Variants in AASDH observed in about 807,000 individuals in gnomAD.
The protein encoded by AASDH is beta-alanine-activating enzyme.
In AASDH, 81 loss-of-function variants were observed where a neutral mutation model predicts 102.3. The ratio of observed to expected loss-of-function variants is 0.79; its 90% confidence interval spans 0.66 to 0.95. The LOEUF (loss-of-function observed/expected upper bound fraction) is 0.95. Among genes scored for constraint, AASDH ranks in the 40% least tolerant of loss-of-function variants. The probability of loss-of-function intolerance (pLI) is 0.00; values close to 1 mark genes in which losing one functional copy is unlikely to be tolerated. For missense variants in AASDH, 1,203 were observed against 1,266.2 expected, an observed-to-expected ratio of 0.95 and a Z score of 0.76; for synonymous variants, 398 against 454.0, an observed-to-expected ratio of 0.88 and a Z score of 1.57.
rs535100174 is a variant in AASDH, at chr4:56,352,950, A to C, written c.1576+454T>G. 3.9e-5 allele frequency among the ~76,000 whole-genome samples: 6 copies of C among 152,234 alleles called. No homozygotes were observed. The South Asian group carries it at 1.2e-3, about 32-fold the overall frequency. On this transcript the variant is annotated intron_variant, in intron 9 of 14. Coordinates refer to ENST00000205214, the MANE Select transcript of AASDH (RefSeq NM_181806.4). ...TTGGTTCTGTTTCTGGAGAACCATG[A>C]CTACTATACTAATATAACCACTAAC...
At chr4:56,344,733 T>C (rs1748119314) in intron 12 of AASDH, among the ~76,000 whole-genome samples, 1 of 152,102 alleles carries the variant, frequency 6.6e-6, no homozygotes, top group African/African-American at 2.4e-5. Flanking sequence ...CACTTATTTG[T>C]GGTAAATTTG....
chr4:56,377,077 A>AAT (rs200243800), intron 4 of AASDH, among the ~76,000 whole-genome samples: 12,985 of 111,980 alleles, frequency 0.12, 716 homozygotes, highest in East Asian at 0.28. Context: ...AAAAAAAAAA[A>AAT]AAAATAAATA....
chr4:56,340,515 T>C (rs1747540893), intron 14 of AASDH, among the ~76,000 whole-genome samples: 1 of 152,064 alleles, frequency 6.6e-6, no homozygotes, highest in African/African-American at 2.4e-5. Context: ...TCACTGCATA[T>C]AAAAATAAAC....
chr4:56,348,453 G>C (rs987457817), intron 11 of AASDH, among the ~76,000 whole-genome samples: 6 of 152,126 alleles, frequency 3.9e-5, no homozygotes, highest in African/African-American at 1.2e-4. Context: ...CAGAGTTTCT[G>C]CATGTTACCC....
intron 5 of AASDH, among the ~76,000 whole-genome samples, chr4:56,369,964 CAG>C (rs997469375): frequency 2.1e-5 from 3 of 142,284 alleles, no homozygotes; most frequent in African/African-American, 7.9e-5. Flanking sequence ...AAAAAAAAAA[CAG>C]ACAATGGAAA....
chr4:56,342,839 T>C lies in AASDH; in HGVS notation c.2903A>G (p.Glu968Gly). The C allele has an allele frequency of 7.2e-7, 1 of 1,397,116 alleles. No homozygotes were observed. The highest frequency in any genetic ancestry group is 2.7e-5 in the East Asian group (1 of 36,872). The allele number at this position is 1,397,116 out of a possible 1,614,324, so 86.5% of individuals were successfully genotyped here. A position where few individuals can be genotyped will look rare whatever the true frequency, so the allele number is the denominator to read the frequency against. Residue 968 changes from glutamate (E) to glycine (G), a missense_variant, in exon 14 of 15, where the codon GAA (glutamate) becomes GGA (glycine). Glu to Gly is a moderately conservative substitution (Grantham distance 98). Coordinates refer to ENST00000205214, the MANE Select transcript of AASDH (RefSeq NM_181806.4). ...AAAAATTTCTAGTTCTATTACCTGT[T>C]CTCCAAAGTGAGTAAAGCAGAGTAA... ...GNLLCFTHFG[E>G]QVWQFSTSGP...
In AASDH at chr4:56,342,063, G is replaced by C. The variant is rs182071295; in HGVS notation, c.2907+772C>G. ...TGAGGCGGAGGTTGCAGTGAGCCAAGATCACACCAATGTACTCCAGCCTGG... is the reference window on the plus strand; with the variant it reads ...TGAGGCGGAGGTTGCAGTGAGCCAACATCACACCAATGTACTCCAGCCTGG... On this transcript the variant is annotated intron_variant, in intron 14 of 14. Transcript: ENST00000205214. Among the ~76,000 whole-genome samples, 33 of 132,560 alleles carry C rather than the reference G, an allele frequency of 2.5e-4. No individual in the cohort carries two copies. In the East Asian group the frequency reaches 5.0e-3, roughly 20 times the overall value. 87.0% of individuals were successfully genotyped at this position (132,560 alleles called of 152,430 possible).
chr4:56,363,165 G>A (rs965022811), intron 5 of AASDH, among the ~76,000 whole-genome samples: 3 of 152,232 alleles, frequency 2.0e-5, no homozygotes, highest in Non-Finnish European at 4.4e-5. Context: ...AGGCGGCAGC[G>A]AGGCTGGGGG....
At chr4:56,373,541 A>T (rs1277694404) in intron 4 of AASDH, among the ~76,000 whole-genome samples, 1 of 152,204 alleles carries the variant, frequency 6.6e-6, no homozygotes, top group Admixed American at 6.5e-5. Context: ...GGAAAAGGTC[A>T]GAAAGAGACT....
rs778425774 is a variant in AASDH at position 56,351,300 on chromosome 4, C to T, written c.1692+42G>A. 47 of 1,279,594 alleles carry T rather than the reference C, an allele frequency of 3.7e-5. No homozygotes were observed. The Middle Eastern group carries it at 2.0e-3, about 54-fold the overall frequency. 79.3% of individuals were successfully genotyped at this position (1,279,594 alleles called of 1,614,324 possible). On this transcript the variant is annotated intron_variant, in intron 10 of 14. Transcript: ENST00000205214. ...AATAGCAGTCCCTAAAGATATAAAA[C>T]GACCTCTTTATAATAATAATTTTAT... is the stretch of plus-strand genomic sequence containing the variant.
intron 5 of AASDH, chr4:56,356,889 C>T (rs964175171): frequency 1.0e-5 from 10 of 955,676 alleles, no homozygotes; most frequent in South Asian, 2.6e-5. Context: ...TCGCCAAGCT[C>T]GAAAAGGCAA....
At chr4:56,385,055 C>T (rs928054187) in intron 1 of AASDH, among the ~76,000 whole-genome samples, 19 of 152,170 alleles carry the variant, frequency 1.2e-4, no homozygotes, top group African/African-American at 4.3e-4. Context: ...GCCTGGGTGA[C>T]AGGGCAAGAC....
Position 56,349,264 on chromosome 4 carries a change from C to A in AASDH, c.2487G>T (p.Val829=). The part of the protein sequence containing the change: ...CVSKCGNFIV[V]GCYNGLVYVL... ...CAAACCTCAAATTCAAAAACTTACC[C>A]ACCACAATAAAGTTTCCACACTTAG... The change falls in exon 11 of 15, where the codon GTG becomes GTT. Residue 829 remains valine (V), a splice_region_variant and synonymous_variant. Coordinates refer to ENST00000205214, the MANE Select transcript of AASDH (RefSeq NM_181806.4). 1 of 1,613,474 alleles carries A rather than the reference C, an allele frequency of 6.2e-7. No individual in the cohort carries two copies. The highest frequency in any genetic ancestry group is 1.3e-5 in the African/African-American group (1 of 74,996).
At chr4:56,373,351 CA>C (rs1158212559) in intron 4 of AASDH, among the ~76,000 whole-genome samples, 4 of 152,058 alleles carry the variant, frequency 2.6e-5, no homozygotes, top group Admixed American at 2.6e-4. Flanking sequence ...CCATGTTGAT[CA>C]GGCCGGTCTC....
At chr4:56,373,615 G>A (rs889582812) in intron 4 of AASDH, among the ~76,000 whole-genome samples, 9 of 152,128 alleles carry the variant, frequency 5.9e-5, no homozygotes, top group Non-Finnish European at 4.4e-5. Flanking sequence ...AGTGCCATAC[G>A]TTGGGGTATC....
chr4:56,369,261 C>G (rs1026147337), intron 5 of AASDH, among the ~76,000 whole-genome samples: 1 of 152,206 alleles, frequency 6.6e-6, no homozygotes, highest in African/African-American at 2.4e-5. Context: ...AGGTAGAATT[C>G]ATTGACCTGA....
intron 5 of AASDH, among the ~76,000 whole-genome samples, chr4:56,369,419 A>T (rs1751432345): frequency 6.6e-6 from 1 of 152,194 alleles, no homozygotes; most frequent in Admixed American, 6.5e-5. Flanking sequence ...CACAGAATTC[A>T]TGGAATGACT....
chr4:56,376,484 T>A (rs976031937), intron 4 of AASDH, among the ~76,000 whole-genome samples: 1 of 152,232 alleles, frequency 6.6e-6, no homozygotes, highest in Admixed American at 6.5e-5. Flanking sequence ...TCTCCAATCT[T>A]GGGGATTAAG....
chr4:56,348,413 C>G (rs934034034), intron 11 of AASDH, among the ~76,000 whole-genome samples: 3 of 152,026 alleles, frequency 2.0e-5, no homozygotes, highest in African/African-American at 7.2e-5. Context: ...TACTACCATG[C>G]CTAGCTAATG....
Sources: allele counts gnomAD v4.1 joint callset (sites outside exome capture counted in the v4.1 genomes callset), GRCh38; gene constraint gnomAD v4.1.1; transcripts MANE v1.5; gene names NCBI Gene and HGNC (gene_info 2026-07-23, HGNC 2026-07-21).